The following SLC24A2 variants were observed in gnomAD, a reference collection of about 807,000 sequenced individuals.
The protein encoded by SLC24A2 is sodium/potassium/calcium exchanger 2.
A neutral mutation model predicts 62.0 loss-of-function variants in SLC24A2; 36 were observed. The ratio of observed to expected loss-of-function variants is 0.58; its 90% CI spans 0.44 to 0.77. The LOEUF is 0.77. Among genes scored for constraint, SLC24A2 ranks in the 30% least tolerant of loss-of-function variants. The pLI, the probability that SLC24A2 is intolerant of heterozygous loss-of-function variation, is 0.00. For missense variants in SLC24A2, 846 were observed against 817.9 expected, an observed-to-expected ratio of 1.03 and a Z score of -0.42; for synonymous variants, 358 against 294.0, an observed-to-expected ratio of 1.22 and a Z score of -2.23.
At chr9:19,571,870 G>A (rs1370063026) in intron 7 of SLC24A2, among the ~76,000 whole-genome samples, 1 of 152,148 alleles carries the variant, frequency 6.6e-6, no homozygotes, top group East Asian at 1.9e-4. Flanking sequence ...GGTGGAAATT[G>A]TACAGTTGGA....
chr9:19,564,201 A>G (rs1014725145), intron 7 of SLC24A2, among the ~76,000 whole-genome samples: 2 of 148,910 alleles, frequency 1.3e-5, no homozygotes, highest in East Asian at 3.9e-4. Context: ...TAAATTTAAT[A>G]GTAGGAAGAT....
intron 2 of SLC24A2, among the ~76,000 whole-genome samples, chr9:19,698,544 C>T (rs1375312604): frequency 6.6e-6 from 1 of 152,152 alleles, no homozygotes; most frequent in Non-Finnish European, 1.5e-5. Flanking sequence ...TGTAAAATCT[C>T]CTTCAGCTCT....
At chr9:19,705,365 C>T (rs1466358677) in intron 2 of SLC24A2, 2 of 157,496 alleles carry the variant, frequency 1.3e-5, no homozygotes, top group African/African-American at 4.8e-5. Flanking sequence ...GTTCAACCAC[C>T]TGTGGGTATT....
chr9:19,919,570 C>T, the SLC24A2 span, among the ~76,000 whole-genome samples: 1 of 152,032 alleles, frequency 6.6e-6, no homozygotes, highest in South Asian at 2.1e-4. Flanking sequence ...GAAAAAACCT[C>T]TTTTTTTCCA....
At chr9:20,016,216 C>G in the SLC24A2 span, among the ~76,000 whole-genome samples, 1 of 152,136 alleles carries the variant, frequency 6.6e-6, no homozygotes, top group East Asian at 1.9e-4. Context: ...ATTTTTTTAG[C>G]TTGATTGTAC....
the SLC24A2 span, among the ~76,000 whole-genome samples, chr9:20,094,551 T>G: frequency 6.6e-6 from 1 of 152,182 alleles, no homozygotes; most frequent in African/African-American, 2.4e-5. Flanking sequence ...TATTAACAAG[T>G]GTGATTTTAA....
chr9:20,211,240 C>T, the SLC24A2 span, among the ~76,000 whole-genome samples: 2 of 152,200 alleles, frequency 1.3e-5, no homozygotes, highest in Admixed American at 1.3e-4. Flanking sequence ...TGGCCGGGCG[C>T]GGTGGCTCAC....
At chr9:20,020,595 T>C in the SLC24A2 span, among the ~76,000 whole-genome samples, 1 of 152,072 alleles carries the variant, frequency 6.6e-6, no homozygotes, top group Non-Finnish European at 1.5e-5. Context: ...AGGGGAGGGA[T>C]AGCATTTGGA....
intron 2 of SLC24A2, among the ~76,000 whole-genome samples, chr9:19,629,499 CACTT>C (rs1046709477): frequency 6.6e-5 from 10 of 152,150 alleles, no homozygotes; most frequent in Admixed American, 1.3e-4. Flanking sequence ...TACTTAGAAT[CACTT>C]ACTATTGTCA....
chr9:19,523,316 C>G (rs1415818162), intron 9 of SLC24A2, among the ~76,000 whole-genome samples: 3 of 152,172 alleles, frequency 2.0e-5, no homozygotes, highest in Non-Finnish European at 4.4e-5. Context: ...GCAAGTTAGA[C>G]AACTTCCCTG....
At chr9:20,070,186 A>G in the SLC24A2 span, among the ~76,000 whole-genome samples, 1 of 152,180 alleles carries the variant, frequency 6.6e-6, no homozygotes, top group Admixed American at 6.5e-5. Context: ...TCTTGGCTCT[A>G]AATCTGCCTT....
chr9:19,910,022 G>A, the SLC24A2 span, among the ~76,000 whole-genome samples: 1 of 152,074 alleles, frequency 6.6e-6, no homozygotes, highest in Non-Finnish European at 1.5e-5. Context: ...CCAAGGGCAA[G>A]CATTGTTCTA....
the SLC24A2 span, among the ~76,000 whole-genome samples, chr9:19,883,786 T>G: frequency 1.3e-5 from 2 of 152,162 alleles, no homozygotes; most frequent in South Asian, 4.2e-4. Flanking sequence ...AGGATGGTCT[T>G]GATCTCCTGA....
At chr9:20,043,579 C>A in the SLC24A2 span, among the ~76,000 whole-genome samples, 2 of 152,128 alleles carry the variant, frequency 1.3e-5, no homozygotes, top group African/African-American at 4.8e-5. Flanking sequence ...GATTCCAGCC[C>A]TCATAGATGA....
chr9:19,744,034 A>G (rs973341420), intron 2 of SLC24A2, among the ~76,000 whole-genome samples: 12 of 152,098 alleles, frequency 7.9e-5, no homozygotes, highest in African/African-American at 2.9e-4. Flanking sequence ...ACGCTGCACA[A>G]CATTGTTAGA....
chr9:20,047,078 C>A, the SLC24A2 span, among the ~76,000 whole-genome samples: 2 of 152,040 alleles, frequency 1.3e-5, no homozygotes, highest in African/African-American at 2.4e-5. Flanking sequence ...CCGGGTTCAG[C>A]AATAGCCTAT....
chr9:20,020,093 A>G, the SLC24A2 span, among the ~76,000 whole-genome samples: 2 of 152,326 alleles, frequency 1.3e-5, no homozygotes, highest in East Asian at 3.9e-4. Context: ...GAGGATGTGG[A>G]CAAATAGGAA....
the SLC24A2 span, among the ~76,000 whole-genome samples, chr9:19,961,406 G>A: frequency 3.3e-5 from 5 of 152,066 alleles, no homozygotes; most frequent in Non-Finnish European, 5.9e-5. Context: ...TCTTTGGCAT[G>A]GGGTTAAAAG....
At chr9:19,589,506 AAT>A (rs2132881652) in intron 5 of SLC24A2, among the ~76,000 whole-genome samples, 1 of 152,338 alleles carries the variant, frequency 6.6e-6, no homozygotes, top group South Asian at 2.1e-4. Flanking sequence ...TATAACAAAA[AAT>A]AGTTAAAATT....
Sources: allele counts gnomAD v4.1 joint callset (sites outside exome capture counted in the v4.1 genomes callset), GRCh38; gene constraint gnomAD v4.1.1; transcripts MANE v1.5; gene names NCBI Gene and HGNC (gene_info 2026-07-23, HGNC 2026-07-21).